Variants in USP28 observed in about 807,000 individuals in gnomAD.
USP28 encodes ubiquitin specific peptidase 28.
USP28 carries 113 observed loss-of-function variants against 145.0 expected under a neutral mutation model. That is an observed-to-expected ratio of 0.78 (90% CI 0.67 to 0.91). The LOEUF is 0.91. Ranked by LOEUF, USP28 falls within the 40% of genes least tolerant of loss-of-function variation. The probability of loss-of-function intolerance (pLI) is 0.00; values close to 1 mark genes in which losing one functional copy is unlikely to be tolerated. For missense variants in USP28, 1,201 were observed against 1,289.6 expected, an observed-to-expected ratio of 0.93 and a Z score of 1.05; for synonymous variants, 447 against 450.9, an observed-to-expected ratio of 0.99 and a Z score of 0.11.
chr11:113,800,010 C>CTT (rs1169415080), intron 24 of USP28, among the ~76,000 whole-genome samples: 4 of 146,616 alleles, frequency 2.7e-5, no homozygotes, highest in Non-Finnish European at 3.0e-5. Context: ...AATGGAATAT[C>CTT]TTTTTTTTTT....
chr11:113,817,855 T>C lies in USP28; in HGVS notation c.1284-18A>G, dbSNP rs768509650. 4 of 1,611,654 alleles carry C rather than the reference T, an allele frequency of 2.5e-6. No individual in the cohort carries two copies. The highest frequency in any genetic ancestry group is 1.1e-5 in the South Asian group (1 of 91,030). ...TCACATACCTAAGCGACAAAGACAG[T>C]GGTACTCTACTGCCCAAGGCTGTTT... On this transcript the variant is annotated intron_variant, in intron 12 of 24. Transcript: ENST00000003302.
chr11:113,798,346 C>T (rs370879416), exon 25 of USP28: 1 of 151,214 alleles, frequency 6.6e-6, no homozygotes, highest in Non-Finnish European at 1.5e-5. Flanking sequence ...GCCCAGGAGA[C>T]AGAGTTTGCA....
At chr11:113,814,806 T>C (rs1179070811) in intron 14 of USP28, among the ~76,000 whole-genome samples, 8 of 151,956 alleles carry the variant, frequency 5.3e-5, no homozygotes, top group Non-Finnish European at 1.2e-4. Context: ...CCCAGCACTT[T>C]GGGAGGCCAA....
At chr11:113,807,916 CAACA>C in intron 18 of USP28, 31 bp downstream of exon 19, 1 of 1,000,690 alleles carries the variant, frequency 1.0e-6, no homozygotes, top group Non-Finnish European at 1.2e-6. Flanking sequence ...ATAAGACTGA[CAACA>C]AACAACTATA....
intron 3 of USP28, among the ~76,000 whole-genome samples, chr11:113,850,222 C>T (rs1946309386): frequency 6.6e-6 from 1 of 151,944 alleles, no homozygotes; most frequent in Non-Finnish European, 1.5e-5. Flanking sequence ...TGAAGATAAG[C>T]GTATCTTAAT....
chr11:113,814,833 T>C (rs991793390), intron 14 of USP28, among the ~76,000 whole-genome samples: 3 of 151,902 alleles, frequency 2.0e-5, no homozygotes, highest in Non-Finnish European at 2.9e-5. Flanking sequence ...CAGATCAGTT[T>C]TGGTCAGGAG....
intron 12 of USP28, among the ~76,000 whole-genome samples, chr11:113,819,465 T>G (rs1461921923): frequency 6.6e-6 from 1 of 152,114 alleles, no homozygotes; most frequent in African/African-American, 2.4e-5. Context: ...GTACGAAAAT[T>G]CAAATACAAA....
At chr11:113,859,900 G>A (rs1947468743) in intron 1 of USP28, among the ~76,000 whole-genome samples, 1 of 152,180 alleles carries the variant, frequency 6.6e-6, no homozygotes, top group African/African-American at 2.4e-5. Context: ...AGTAAAGAAA[G>A]ACAGGCAAAC....
intron 3 of USP28, among the ~76,000 whole-genome samples, chr11:113,844,223 G>T (rs144166462): frequency 6.6e-6 from 1 of 151,940 alleles, no homozygotes; most frequent in Admixed American, 6.6e-5. Context: ...GGTGGATCAC[G>T]AGGTCAGGAG....
At chr11:113,862,131 G>C (rs1422241331) in intron 1 of USP28, among the ~76,000 whole-genome samples, 1 of 152,172 alleles carries the variant, frequency 6.6e-6, no homozygotes, top group African/African-American at 2.4e-5. Context: ...CGGATCACCT[G>C]AGGTCAGGAG....
rs1242336420 is a variant in USP28, at chr11:113,803,386, GAA to G, written c.2739-107_2739-106del. ...CAAGAACCTACTTGGCTGCAATTCT[GAA>G]AAAGTGAAGGACCAAAGACCGTAGC... is the stretch of plus-strand genomic sequence containing the variant. On this transcript the variant is annotated intron_variant, in intron 22 of 24. Coordinates refer to ENST00000003302, the Ensembl canonical transcript of USP28. The G allele has an allele frequency of 7.6e-6, 10 of 1,312,026 alleles. No individual in the cohort carries two copies. In the East Asian group the frequency reaches 2.2e-4, roughly 29 times the overall value. 81.3% of individuals were successfully genotyped at this position (1,312,026 alleles called of 1,614,324 possible). A position where few individuals can be genotyped will look rare whatever the true frequency, so the allele number is the denominator to read the frequency against.
chr11:113,818,135 T>C (rs1324642117), intron 12 of USP28: 1 of 250,480 alleles, frequency 4.0e-6, no homozygotes, highest in East Asian at 7.8e-5. Context: ...GCTTTGGTCA[T>C]TTATTTATTT....
chr11:113,829,366 T>C, intron 9 of USP28, 21 bp from the exon 10 acceptor site: 2 of 1,610,548 alleles, frequency 1.2e-6, no homozygotes, highest in Non-Finnish European at 1.7e-6. Context: ...AGAGAGACTT[T>C]TTAAAAAAGA....
chr11:113,807,687 T>C (rs2135294561), intron 18 of USP28, among the ~76,000 whole-genome samples: 1 of 152,256 alleles, frequency 6.6e-6, no homozygotes, highest in East Asian at 1.9e-4. Context: ...GAACTTAATT[T>C]TACTTTTCTG....
At chr11:113,843,602 C>T (rs115507604) in intron 3 of USP28, among the ~76,000 whole-genome samples, 11,132 of 145,392 alleles carry the variant, frequency 0.077, 518 homozygotes, top group Middle Eastern at 0.15. Context: ...ACCCAGGAGG[C>T]GGAGGCTATG....
intron 17 of USP28, 37 bp downstream of exon 17, chr11:113,809,026 G>A (rs372610051): frequency 1.8e-5 from 28 of 1,596,968 alleles, no homozygotes; most frequent in Non-Finnish European, 2.3e-5. Context: ...AGCATGAGAT[G>A]TTACTGGATC....
At chr11:113,815,595 C>A (rs1284609324) in intron 13 of USP28, among the ~76,000 whole-genome samples, 1 of 152,192 alleles carries the variant, frequency 6.6e-6, no homozygotes, top group African/African-American at 2.4e-5. Flanking sequence ...ATTTTACCAA[C>A]TGTGAGCCTA....
chr11:113,853,238 T>C (rs1385274342), intron 2 of USP28, among the ~76,000 whole-genome samples: 1 of 125,898 alleles, frequency 7.9e-6, no homozygotes. Context: ...GAGGCTGCAG[T>C]GAGCCGAGAT....
chr11:113,868,874 G>A (rs1322181067), intron 1 of USP28, among the ~76,000 whole-genome samples: 2 of 148,386 alleles, frequency 1.3e-5, no homozygotes, highest in Non-Finnish European at 3.0e-5. Context: ...AGTGAGCCAT[G>A]ATAGAGCCAC....
Sources: allele counts gnomAD v4.1 joint callset (sites outside exome capture counted in the v4.1 genomes callset), GRCh38; gene constraint gnomAD v4.1.1; transcripts MANE v1.5; gene names NCBI Gene and HGNC (gene_info 2026-07-23, HGNC 2026-07-21).